The following RSRP1 variants were observed in gnomAD, a reference collection of about 807,000 sequenced individuals.
RSRP1 encodes arginine/serine-rich protein 1.
RSRP1 carries 37 observed loss-of-function variants against 33.0 expected under a neutral mutation model. That is an observed-to-expected ratio of 1.12 (90% confidence interval 0.86 to 1.48). The LOEUF (loss-of-function observed/expected upper bound fraction) is 1.48. RSRP1 is among the 40% of genes most tolerant of loss of function. The probability of loss-of-function intolerance (pLI) is 0.00; values close to 1 mark genes in which losing one functional copy is unlikely to be tolerated. For missense variants in RSRP1, 402 were observed against 385.3 expected (o/e 1.04, Z -0.36); for synonymous variants, 167 against 158.7 (o/e 1.05, Z -0.40).
In RSRP1 at chr1:25,268,261, G is replaced by C. The variant is rs1272017368; in HGVS notation, c.-66-21232C>G. On this transcript the variant is annotated intron_variant, in intron 1 of 1. Coordinates refer to the RSRP1 transcript ENST00000561867. ...CGGCCGGGCGCAGTGGCTCACGCCT[G>C]TAATCCCAGTACTTTGCGAGGCCAA... is the stretch of plus-strand genomic sequence containing the variant. Among the ~76,000 whole-genome samples the C allele has an allele frequency of 2.3e-5, 3 of 131,108 alleles. 1 individual carries two copies. The highest frequency in any genetic ancestry group is 5.4e-5 in the Non-Finnish European group (3 of 55,226). 86.0% of individuals were successfully genotyped at this position (131,108 alleles called of 152,430 possible).
chr1:25,332,077 G>A (rs1645024755), intron 1 of RSRP1, among the ~76,000 whole-genome samples: 1 of 109,154 alleles, frequency 9.2e-6, no homozygotes, highest in Non-Finnish European at 2.1e-5. Flanking sequence ...GTCTTGCTCT[G>A]TTGCCCAACC....
intron 1 of RSRP1, among the ~76,000 whole-genome samples, chr1:25,288,853 A>G (rs1371140103): frequency 1.5e-5 from 2 of 130,320 alleles, no homozygotes; most frequent in East Asian, 3.9e-4. Flanking sequence ...AATGAAATGA[A>G]CACCCACTTA....
At chr1:25,306,603 G>C in intron 1 of RSRP1, 2 of 1,378,186 alleles carry the variant, frequency 1.5e-6, no homozygotes, top group Non-Finnish European at 2.0e-6. Flanking sequence ...CAGGGGTGTT[G>C]TAACCGAGTG....
chr1:25,244,037 C>T (rs1393898629), intron 3 of RSRP1: 2 of 1,196,198 alleles, frequency 1.7e-6, no homozygotes, highest in East Asian at 1.2e-4. Flanking sequence ...GGCCCAATTA[C>T]ACAGATTCAT....
In RSRP1 at chr1:25,317,908, G is replaced by C. The variant is rs1396183306; in HGVS notation, c.-67+20070C>G. ...TAGTGAGGAGCAGGCCCTTATAAAA[G>C]ATGGGAAGCCACTGGAGATCTTTCA... On this transcript the variant is annotated intron_variant, in intron 1 of 1. Transcript: ENST00000561867. 2.5e-5 allele frequency among the ~76,000 whole-genome samples: 3 copies of C among 119,760 alleles called. 1 individual carries two copies. The highest frequency in any genetic ancestry group is 5.9e-5 in the Non-Finnish European group (3 of 50,732). 78.6% of individuals were successfully genotyped at this position (119,760 alleles called of 152,430 possible). A position where few individuals can be genotyped will look rare whatever the true frequency, so the allele number is the denominator to read the frequency against.
intron 1 of RSRP1, among the ~76,000 whole-genome samples, chr1:25,255,571 TG>T (rs1038144269): frequency 3.3e-5 from 5 of 152,076 alleles, no homozygotes; most frequent in African/African-American, 9.7e-5. Context: ...TTTCCACAGC[TG>T]GGGGTGGGGG....
intron 1 of RSRP1, among the ~76,000 whole-genome samples, chr1:25,333,744 C>T (rs578246647): frequency 0.06 from 7,778 of 128,788 alleles, 1,511 homozygotes; most frequent in African/African-American, 0.19. Flanking sequence ...ACAATCATGG[C>T]GAAAGGCAAT....
intron 1 of RSRP1, chr1:25,306,862 G>A (rs1643879795): frequency 2.2e-6 from 2 of 919,206 alleles, no homozygotes; most frequent in South Asian, 1.3e-5. Context: ...ATATTTGTTG[G>A]CTGATTTATT....
At chr1:25,257,305 C>A (rs1478438208) in intron 1 of RSRP1, among the ~76,000 whole-genome samples, 2 of 152,066 alleles carry the variant, frequency 1.3e-5, no homozygotes, top group Non-Finnish European at 2.9e-5. Context: ...TGTTTCCTCC[C>A]AGAATATAAA....
At chr1:25,284,420 T>C (rs1433180184) in intron 1 of RSRP1, among the ~76,000 whole-genome samples, 4 of 135,404 alleles carry the variant, frequency 3.0e-5, no homozygotes, top group Non-Finnish European at 5.3e-5. Flanking sequence ...GTTGAGAACA[T>C]TGAGGCTCAA....
chr1:25,321,822 C>T lies in RSRP1; in HGVS notation c.-67+16156G>A, dbSNP rs45600436. On this transcript the variant is annotated intron_variant, in intron 1 of 1. Coordinates refer to the RSRP1 transcript ENST00000561867. Reference sequence around the variant, plus strand: ...ACTGTCGTTTTGACACACAATATTTCGATTAATCTTGAGATTAAAAATCCT... The same window carrying T: ...ACTGTCGTTTTGACACACAATATTTTGATTAATCTTGAGATTAAAAATCCT... 10 of 811,706 alleles carry T rather than the reference C, an allele frequency of 1.2e-5. 2 individuals carry two copies. The highest frequency in any genetic ancestry group is 2.1e-5 in the Non-Finnish European group (10 of 484,674). 50.3% of individuals were successfully genotyped at this position (811,706 alleles called of 1,614,324 possible). A position where few individuals can be genotyped will look rare whatever the true frequency, so the allele number is the denominator to read the frequency against.
chr1:25,312,943 A>AAAAAAAAAAAAAC (rs1397269705), intron 1 of RSRP1, among the ~76,000 whole-genome samples: 3 of 110,336 alleles, frequency 2.7e-5, no homozygotes, highest in East Asian at 2.0e-4. Context: ...AAAAAAAAAA[A>AAAAAAAAAAAAAC]AAAAAAAAAA....
At position 25,243,564 on chromosome 1, in the gene RSRP1, C is replaced by T. The variant is rs1639073012; in HGVS notation, c.742G>A (p.Ala248Thr). Residue 248 changes from alanine to threonine, a missense_variant, in exon 4 of 5, where the codon GCT (alanine) becomes ACT (threonine). Transcript: ENST00000243189. ...GATATACTTACATTAGAGCTAAAAG[C>T]TATGCTTCTTTGCTGGGTAGGTTTT... ...NEKPTQQRSIAFSSNNSVAKP... is the reference protein window; with the variant it reads ...NEKPTQQRSITFSSNNSVAKP... 3.7e-6 allele frequency: 6 copies of T among 1,613,766 alleles called. No individual in the cohort carries two copies. The highest frequency in any genetic ancestry group is 4.2e-6 in the Non-Finnish European group (5 of 1,179,836).
Position 25,306,515 on chromosome 1 carries a change from G to A in RSRP1, c.-67+31463C>T, listed in dbSNP as rs892362715. 9.4e-6 allele frequency: 12 copies of A among 1,272,964 alleles called. 1 individual carries two copies. The African/African-American group carries it at 1.5e-4, about 15-fold the overall frequency. 78.9% of individuals were successfully genotyped at this position (1,272,964 alleles called of 1,614,324 possible). A position where few individuals can be genotyped will look rare whatever the true frequency, so the allele number is the denominator to read the frequency against. Reference sequence around the variant, plus strand: ...TGCCCATCCCCCTTTGGTGGCCCCGGATACCAAGGGTGTGTGAAAGGGGTG... The same window carrying A: ...TGCCCATCCCCCTTTGGTGGCCCCGAATACCAAGGGTGTGTGAAAGGGGTG... On this transcript the variant is annotated intron_variant, in intron 1 of 1. Coordinates refer to the RSRP1 transcript ENST00000561867.
intron 1 of RSRP1, chr1:25,253,535 A>G (rs927176502): frequency 1.3e-5 from 2 of 151,458 alleles, no homozygotes; most frequent in African/African-American, 4.9e-5. Flanking sequence ...CTAATTTTGT[A>G]TTTTTAGTAG....
chr1:25,316,422 T>A (rs1644439740), intron 1 of RSRP1, among the ~76,000 whole-genome samples: 1 of 127,320 alleles, frequency 7.9e-6, no homozygotes, highest in African/African-American at 2.7e-5. Context: ...GAGTTCGAGA[T>A]CACCCTGGTC....
rs145991968 is a variant in RSRP1 at position 25,313,190 on chromosome 1, A to C, written c.-67+24788T>G. 1.8e-3 allele frequency among the ~76,000 whole-genome samples: 234 copies of C among 129,652 alleles called. 16 individuals are homozygous for C. In the East Asian group the frequency reaches 0.04, roughly 22 times the overall value. 85.1% of individuals were successfully genotyped at this position (129,652 alleles called of 152,430 possible). The stretch of plus-strand genomic sequence containing the variant: ...TGGTGGCTTACAAGAGGAAGAGAGA[A>C]CTGAGCTGACATGCTCTTGCCCTCT... On this transcript the variant is annotated intron_variant, in intron 1 of 1. Transcript: ENST00000561867.
chr1:25,281,213 G>A (rs143238283), intron 1 of RSRP1, among the ~76,000 whole-genome samples: 6,549 of 130,994 alleles, frequency 0.05, 1,127 homozygotes, highest in African/African-American at 0.16. Flanking sequence ...TTGGGGCCTG[G>A]TAGTTAGTTC....
rs551514289 is a variant in RSRP1, at chr1:25,259,197, G to A, written c.-66-12168C>T. Reference sequence around the variant, plus strand: ...CAACCTCTGCCTCCTGGGTTCAAGCGAATCTCCTGCCTCAGCCTCCGAAGT... The same window carrying A: ...CAACCTCTGCCTCCTGGGTTCAAGCAAATCTCCTGCCTCAGCCTCCGAAGT... On this transcript the variant is annotated intron_variant, in intron 1 of 1. Transcript: ENST00000561867. Among the ~76,000 whole-genome samples the A allele has an allele frequency of 5.3e-5, 8 of 151,908 alleles. No homozygotes were observed. The East Asian group carries it at 5.8e-4, about 11-fold the overall frequency.
Sources: allele counts gnomAD v4.1 joint callset (sites outside exome capture counted in the v4.1 genomes callset), GRCh38; gene constraint gnomAD v4.1.1; transcripts MANE v1.5; gene names NCBI Gene and HGNC (gene_info 2026-07-23, HGNC 2026-07-21).